NAIP: variants seen among roughly 807,000 people sequenced by gnomAD.
NAIP encodes the protein NLR family apoptosis inhibitory protein, also known as baculoviral IAP repeat-containing protein 1.
NAIP carries 15 observed loss-of-function variants against 23.0 expected under a neutral mutation model. The ratio of observed to expected loss-of-function variants is 0.65; its 90% CI spans 0.44 to 1.00. The LOEUF is 1.00. NAIP is among the 50% of genes least tolerant of loss of function. The pLI, the probability that NAIP is intolerant of heterozygous loss-of-function variation, is 0.00. For synonymous variants in NAIP, 100 were observed against 100.2 expected (o/e 1.00, Z 0.01); for missense variants, 265 against 278.8 (o/e 0.95, Z 0.35).
Position 71,011,272 on chromosome 5 carries a change from T to C in NAIP, c.668+3A>G. ...AACATTTAAGCAAAAATTATCTACT[T>C]ACTTGGGGAACCATTTGGCATGTTC... is the stretch of plus-strand genomic sequence containing the variant. On this transcript the variant is annotated splice_donor_region_variant and intron_variant, in intron 5 of 16. Coordinates refer to ENST00000517649, the MANE Select transcript of NAIP (RefSeq NM_004536.3). 6.3e-7 allele frequency: 1 copy of C among 1,575,070 alleles called. No individual in the cohort carries two copies. Among genetic ancestry groups the C allele is most frequent in the Non-Finnish European group, 8.6e-7 (1 of 1,160,082 alleles).
chr5:70,977,964 C>G (rs1750350443), intron 13 of NAIP, among the ~76,000 whole-genome samples: 1 of 127,282 alleles, frequency 7.9e-6, no homozygotes, highest in South Asian at 3.1e-4. Context: ...CCACTGCACT[C>G]CAGCCTGGGT....
intron 3 of NAIP, among the ~76,000 whole-genome samples, chr5:71,013,402 G>C (rs1751263594): frequency 6.6e-6 from 1 of 151,160 alleles, no homozygotes; most frequent in African/African-American, 2.4e-5. Flanking sequence ...ACTTTGGGAG[G>C]CCGAGGCAGG....
At chr5:71,015,418 G>A (rs1278280292) in intron 3 of NAIP, among the ~76,000 whole-genome samples, 1 of 143,976 alleles carries the variant, frequency 6.9e-6, no homozygotes, top group Non-Finnish European at 1.5e-5. Flanking sequence ...TAATATATCA[G>A]GGAGAGATGA....
chr5:71,010,196 T>A (rs1282968602), intron 5 of NAIP, among the ~76,000 whole-genome samples: 1 of 151,446 alleles, frequency 6.6e-6, no homozygotes, highest in African/African-American at 2.4e-5. Flanking sequence ...CAGCCTTGAC[T>A]ACCTGGGCTC....
chr5:71,013,588 C>T (rs1428967306), intron 3 of NAIP, among the ~76,000 whole-genome samples: 1 of 148,846 alleles, frequency 6.7e-6, no homozygotes, highest in Non-Finnish European at 1.5e-5. Flanking sequence ...TGCAGCGAGC[C>T]GAGATCGCGC....
Position 70,979,841 on chromosome 5 carries a change from A to C in NAIP, c.3442+28T>G, listed in dbSNP as rs370927985. 81 of 13,720 alleles carry C rather than the reference A, an allele frequency of 5.9e-3. 2 individuals are homozygous for C. The highest frequency in any genetic ancestry group is 0.022 in the East Asian group (9 of 416). The allele number at this position is 13,720 out of a possible 1,614,324, so 0.8% of individuals were successfully genotyped here. On this transcript the variant is annotated intron_variant, in intron 13 of 16. Coordinates refer to ENST00000517649, the MANE Select transcript of NAIP (RefSeq NM_004536.3). ...AAGTAGCTTTTCCAACTTACGTAAA[A>C]ACAAGTATATTAAAGTGCCATCCTT...
At chr5:71,002,349 A>ATT (rs1358622347) in intron 6 of NAIP, among the ~76,000 whole-genome samples, 1,264 of 26,508 alleles carry the variant, frequency 0.048, 4 homozygotes, top group Middle Eastern at 0.095. Context: ...CACCCGGCTA[A>ATT]TTTTTTTTTT....
At chr5:71,014,383 A>C (rs1751334303) in intron 3 of NAIP, among the ~76,000 whole-genome samples, 1 of 151,234 alleles carries the variant, frequency 6.6e-6, no homozygotes, top group Non-Finnish European at 1.5e-5. Context: ...GCCCAGGCTG[A>C]AGTGCAGTGG....
chr5:70,979,581 A>C lies in NAIP; in HGVS notation c.3442+288T>G, dbSNP rs1276220077. On this transcript the variant is annotated intron_variant, in intron 13 of 16. Coordinates refer to ENST00000517649, the MANE Select transcript of NAIP (RefSeq NM_004536.3). ...CAGCGGGAGACTGTCTCAAAAAAAAAAAAAATAATAATAATAATAATAATA... is the reference window on the plus strand; with the variant it reads ...CAGCGGGAGACTGTCTCAAAAAAAACAAAAATAATAATAATAATAATAATA... 1.3e-4 allele frequency among the ~76,000 whole-genome samples: 6 copies of C among 46,808 alleles called. 1 individual carries two copies. The highest frequency in any genetic ancestry group is 2.4e-4 in the Non-Finnish European group (6 of 24,738). 30.7% of individuals were successfully genotyped at this position (46,808 alleles called of 152,430 possible).
At chr5:71,010,695 G>A (rs1751109858) in intron 5 of NAIP, among the ~76,000 whole-genome samples, 1 of 151,454 alleles carries the variant, frequency 6.6e-6, no homozygotes, top group Non-Finnish European at 1.5e-5. Context: ...ACCACTTCCA[G>A]CCTTATTTAT....
chr5:71,011,039 C>A (rs111818286), intron 5 of NAIP, among the ~76,000 whole-genome samples: 10 of 151,054 alleles, frequency 6.6e-5, no homozygotes, highest in African/African-American at 2.4e-4. Context: ...TCAAGACCAG[C>A]CTGGGCAACA....
At chr5:71,013,055 T>A in intron 3 of NAIP, 137 bp from the exon 4 acceptor site, 1 of 837,648 alleles carries the variant, frequency 1.2e-6, no homozygotes, top group Non-Finnish European at 1.8e-6. Flanking sequence ...GTTGGAAAAT[T>A]ATGAAACATC....
At chr5:70,978,196 G>A (rs1299239831) in intron 13 of NAIP, among the ~76,000 whole-genome samples, 1 of 139,584 alleles carries the variant, frequency 7.2e-6, no homozygotes, top group Non-Finnish European at 1.5e-5. Context: ...CTATCACCTA[G>A]GCTGGAGTGC....
intron 16 of NAIP, chr5:70,971,398 A>AC (rs1750154706): frequency 1.5e-5 from 1 of 66,630 alleles, no homozygotes; most frequent in African/African-American, 3.3e-5. Context: ...ACATGGTGAA[A>AC]CCCCATCTCT....
At chr5:71,013,312 T>TA (rs1751256568) in intron 3 of NAIP, among the ~76,000 whole-genome samples, 1 of 151,298 alleles carries the variant, frequency 6.6e-6, no homozygotes. Flanking sequence ...TACTCAGTTT[T>TA]AAAAAATCAT....
In NAIP at chr5:70,979,588, AATAAT is replaced by A. The variant is rs1330875511; in HGVS notation, c.3442+276_3442+280del. 5.2e-4 allele frequency among the ~76,000 whole-genome samples: 11 copies of A among 21,322 alleles called. 4 individuals carry two copies. The East Asian group carries it at 8.9e-3, about 17-fold the overall frequency. The allele number at this position is 21,322 out of a possible 152,430, so 14.0% of individuals were successfully genotyped here. A position where few individuals can be genotyped will look rare whatever the true frequency, so the allele number is the denominator to read the frequency against. The stretch of plus-strand genomic sequence containing the variant: ...AGACTGTCTCAAAAAAAAAAAAAAT[AATAAT>A]AATAATAATAATAATAATAGTACTT... On this transcript the variant is annotated intron_variant, in intron 13 of 16. Transcript: ENST00000517649.
rs567894899 is a variant in NAIP at position 71,009,513 on chromosome 5, A to C, written c.668+1762T>G. 1.1e-4 allele frequency among the ~76,000 whole-genome samples: 16 copies of C among 151,352 alleles called. 1 individual carries two copies. In the East Asian group the frequency reaches 3.1e-3, roughly 29 times the overall value. On this transcript the variant is annotated intron_variant, in intron 5 of 16. Coordinates refer to ENST00000517649, the MANE Select transcript of NAIP (RefSeq NM_004536.3). Reference sequence around the variant, plus strand: ...TCAGACCAGCCTGGGCAACATGATGAAACCGCATCTCTACTAAAATTACAA... The same window carrying C: ...TCAGACCAGCCTGGGCAACATGATGCAACCGCATCTCTACTAAAATTACAA...
intron 4 of NAIP, chr5:71,011,731 A>T (rs1362526922): frequency 2.2e-6 from 1 of 446,186 alleles, no homozygotes; most frequent in East Asian, 5.4e-5. Context: ...TTGCCATGAC[A>T]TTTCGGTAGA....
intron 4 of NAIP, chr5:71,011,902 T>G: frequency 3.8e-6 from 1 of 262,320 alleles, no homozygotes; most frequent in Non-Finnish European, 7.5e-6. Context: ...GTTAGAACTC[T>G]GATTTATATA....
Sources: allele counts gnomAD v4.1 joint callset (sites outside exome capture counted in the v4.1 genomes callset), GRCh38; gene constraint gnomAD v4.1.1; transcripts MANE v1.5; gene names NCBI Gene and HGNC (gene_info 2026-07-23, HGNC 2026-07-21).